The following ASRGL1 variants were observed in gnomAD, a reference collection of about 807,000 sequenced individuals.
The protein encoded by ASRGL1 is isoaspartyl peptidase/L-asparaginase.
ASRGL1 carries 16 observed loss-of-function variants against 22.4 expected under a neutral mutation model. That is an observed-to-expected ratio of 0.71 (90% CI 0.48 to 1.08). The LOEUF (loss-of-function observed/expected upper bound fraction) is 1.08. ASRGL1 is among the 50% of genes least tolerant of loss of function. The probability of loss-of-function intolerance (pLI) is 0.00; values close to 1 mark genes in which losing one functional copy is unlikely to be tolerated. For missense variants in ASRGL1, 412 were observed against 410.1 expected (o/e 1.00, Z -0.04); for synonymous variants, 165 against 159.3 (o/e 1.04, Z -0.27).
intron 4 of ASRGL1, among the ~76,000 whole-genome samples, chr11:62,388,755 G>GGA (rs1375585226): frequency 1.3e-5 from 2 of 151,518 alleles, no homozygotes; most frequent in Non-Finnish European, 2.9e-5. Flanking sequence ...TCCTCTTGGT[G>GGA]GCAGCTTCAG....
intron 4 of ASRGL1, among the ~76,000 whole-genome samples, chr11:62,386,478 G>GTACATATAATACATATCATAGATATA (rs1947212391): frequency 6.7e-6 from 1 of 149,176 alleles, no homozygotes; most frequent in Non-Finnish European, 1.5e-5. Context: ...TCATAGATAT[G>GTACATATAATACATATCATAGATATA]TACATATATA....
chr11:62,342,100 G>T (rs568878832), intron 2 of ASRGL1, among the ~76,000 whole-genome samples: 2 of 152,218 alleles, frequency 1.3e-5, no homozygotes, highest in South Asian at 4.2e-4. Context: ...TGCTGTGTCC[G>T]GTTTCTATTG....
the ASRGL1 span, among the ~76,000 whole-genome samples, chr11:62,401,067 C>T: frequency 6.6e-6 from 1 of 152,200 alleles, no homozygotes; most frequent in Admixed American, 6.5e-5. Flanking sequence ...TCCACAGAGC[C>T]AGGGCCAGAC....
intron 2 of ASRGL1, among the ~76,000 whole-genome samples, chr11:62,350,627 C>T (rs1173624220): frequency 6.6e-6 from 1 of 152,160 alleles, no homozygotes; most frequent in African/African-American, 2.4e-5. Flanking sequence ...GAAACCTCAT[C>T]TCTACTAAAA....
At chr11:62,361,549 A>G (rs1003375484) in intron 4 of ASRGL1, among the ~76,000 whole-genome samples, 4 of 141,366 alleles carry the variant, frequency 2.8e-5, no homozygotes, top group Admixed American at 7.5e-5. Context: ...GTGCAGTGGT[A>G]CAATCTCGGC....
chr11:62,374,119 C>T (rs1183736405), intron 4 of ASRGL1, among the ~76,000 whole-genome samples: 4 of 152,204 alleles, frequency 2.6e-5, no homozygotes, highest in Admixed American at 2.6e-4. Context: ...GATCCTGCCT[C>T]GTGCGGGCCA....
At chr11:62,377,897 G>GA (rs1427345422) in intron 4 of ASRGL1, among the ~76,000 whole-genome samples, 1 of 152,214 alleles carries the variant, frequency 6.6e-6, no homozygotes, top group East Asian at 1.9e-4. Context: ...ATGCCTGCTG[G>GA]AGAATGTGCA....
intron 4 of ASRGL1, chr11:62,371,528 C>A: frequency 1.4e-6 from 1 of 703,396 alleles, no homozygotes; most frequent in Non-Finnish European, 2.6e-6. Context: ...TAAAAGTCAT[C>A]ACCATTCTCT....
At chr11:62,371,287 A>G (rs891381693) in intron 4 of ASRGL1, 12 of 1,269,468 alleles carry the variant, frequency 9.5e-6, no homozygotes, top group South Asian at 4.5e-5. Flanking sequence ...CAGCAGCAGC[A>G]GCGGCGACGA....
chr11:62,392,168 A>G lies in ASRGL1; in HGVS notation c.811A>G (p.Thr271Ala), dbSNP rs1947354924. The G allele has an allele frequency of 2.5e-6, 4 of 1,614,210 alleles. No homozygotes were observed. Among genetic ancestry groups the G allele is most frequent in the South Asian group, 2.2e-5 (2 of 91,086 alleles). ...GLGGLIVVSK[T>A]GDWVAKWTST... is the part of the protein sequence containing the mutation. ...AGGTGGCCTCATCGTGGTTAGCAAA[A>G]CAGGAGACTGGGTGGCAAAGTGGAC... is the stretch of plus-strand genomic sequence containing the variant. The change falls in exon 7 of 7, where the codon ACA (threonine) becomes GCA (alanine). Residue 271 changes from threonine to alanine, a missense_variant. Coordinates refer to ENST00000415229, the MANE Select transcript of ASRGL1 (RefSeq NM_001083926.2).
At chr11:62,376,991 A>G (rs1027924804) in intron 4 of ASRGL1, among the ~76,000 whole-genome samples, 11 of 152,222 alleles carry the variant, frequency 7.2e-5, no homozygotes, top group Non-Finnish European at 1.3e-4. Context: ...TCCATTTGCC[A>G]TAACACATTA....
intron 2 of ASRGL1, among the ~76,000 whole-genome samples, chr11:62,346,380 T>C (rs1341092015): frequency 6.6e-6 from 1 of 152,168 alleles, no homozygotes; most frequent in Non-Finnish European, 1.5e-5. Flanking sequence ...ACCACCCTCC[T>C]GGCACCTTCA....
At chr11:62,360,432 C>A (rs1462141985) in intron 4 of ASRGL1, among the ~76,000 whole-genome samples, 1 of 150,350 alleles carries the variant, frequency 6.7e-6, no homozygotes, top group Non-Finnish European at 1.5e-5. Flanking sequence ...ACTTTTAATC[C>A]CTTAGATTAT....
Position 62,356,991 on chromosome 11 carries a change from C to G in ASRGL1, c.338C>G (p.Pro113Arg). 1 of 1,597,324 alleles carries G rather than the reference C, an allele frequency of 6.3e-7. No individual in the cohort carries two copies. The highest frequency in any genetic ancestry group is 8.5e-7 in the Non-Finnish European group (1 of 1,175,628). The part of the protein sequence containing the change: ...KLARLVMEKT[P>R]HCFLTDQGAA... ...TCTCTTTTCTTTCTGGCTCAGACAC[C>G]TCATTGCTTTCTGACTGACCAAGGC... The change falls in exon 4 of 7, where the codon CCT becomes CGT. Residue 113 changes from proline to arginine, a missense_variant. Transcript: ENST00000415229.
At chr11:62,371,189 G>T in intron 4 of ASRGL1, 1 of 1,249,588 alleles carries the variant, frequency 8.0e-7, no homozygotes, top group Non-Finnish European at 1.0e-6. Flanking sequence ...TCGGGCAACG[G>T]CACTGCCCAC....
At chr11:62,366,691 T>C (rs903937015) in intron 4 of ASRGL1, among the ~76,000 whole-genome samples, 1 of 152,192 alleles carries the variant, frequency 6.6e-6, no homozygotes, top group African/African-American at 2.4e-5. Context: ...ACATTCTTTA[T>C]AGATAGATGG....
At chr11:62,373,595 A>G (rs748806694) in intron 4 of ASRGL1, among the ~76,000 whole-genome samples, 1 of 152,232 alleles carries the variant, frequency 6.6e-6, no homozygotes, top group Non-Finnish European at 1.5e-5. Flanking sequence ...TGTCCCTTAC[A>G]GGAACCGGCA....
intron 2 of ASRGL1, among the ~76,000 whole-genome samples, chr11:62,355,800 G>A (rs1000122886): frequency 6.6e-6 from 1 of 152,096 alleles, no homozygotes; most frequent in Non-Finnish European, 1.5e-5. Flanking sequence ...CTGGGTACTT[G>A]AGATTAGGGA....
intron 4 of ASRGL1, among the ~76,000 whole-genome samples, chr11:62,387,812 C>T (rs1211630529): frequency 6.6e-6 from 1 of 152,224 alleles, no homozygotes; most frequent in East Asian, 1.9e-4. Flanking sequence ...CTTTGTTTAG[C>T]TTTACCACTG....
Sources: allele counts gnomAD v4.1 joint callset (sites outside exome capture counted in the v4.1 genomes callset), GRCh38; gene constraint gnomAD v4.1.1; transcripts MANE v1.5; gene names NCBI Gene and HGNC (gene_info 2026-07-23, HGNC 2026-07-21).